PPP1R42: variants seen among roughly 807,000 people sequenced by gnomAD.
The protein encoded by PPP1R42 is leucine rich repeat containing 67.
Under a neutral mutation model 31.0 loss-of-function variants are expected in PPP1R42, and 34 were observed. The ratio of observed to expected loss-of-function variants is 1.10; its 90% CI spans 0.83 to 1.46. The LOEUF (loss-of-function observed/expected upper bound fraction) is 1.46, where lower values mean the gene tolerates loss of function less well. PPP1R42 is among the 40% of genes most tolerant of loss of function. The pLI, the probability that PPP1R42 is intolerant of heterozygous loss-of-function variation, is 0.00. For missense variants in PPP1R42, 268 were observed against 303.0 expected (o/e 0.88, Z 0.86); for synonymous variants, 103 against 109.8 (o/e 0.94, Z 0.39).
At position 66,974,040 on chromosome 8, in the gene PPP1R42, A is replaced by G. The variant is rs1367259034; in HGVS notation, c.802+8009T>C. 5.1e-4 allele frequency among the ~76,000 whole-genome samples: 78 copies of G among 152,326 alleles called. 1 individual carries two copies. The highest frequency in any genetic ancestry group is 2.9e-5 in the Non-Finnish European group (2 of 68,036). ...CTTGACTATTGTGAATAGTGCTGCA[A>G]TGAACATAGGAGTACTGATGTCTCT... is the stretch of plus-strand genomic sequence containing the variant. On this transcript the variant is annotated intron_variant, in intron 7 of 7. Coordinates refer to ENST00000685739, the MANE Select transcript of PPP1R42 (RefSeq NM_001364910.1).
At chr8:67,007,549 G>A (rs1023793513) in intron 5 of PPP1R42, among the ~76,000 whole-genome samples, 8 of 152,114 alleles carry the variant, frequency 5.3e-5, no homozygotes, top group African/African-American at 1.9e-4. Context: ...GTTTCGCCAC[G>A]TCAGCCAGGG....
intron 1 of PPP1R42, among the ~76,000 whole-genome samples, chr8:67,022,406 A>G (rs1816249693): frequency 6.6e-6 from 1 of 152,148 alleles, no homozygotes; most frequent in African/African-American, 2.4e-5. Flanking sequence ...TTAGATACTA[A>G]TATTTCATTG....
intron 5 of PPP1R42, among the ~76,000 whole-genome samples, chr8:67,008,426 G>A (rs961312494): frequency 2.0e-5 from 3 of 152,086 alleles, no homozygotes; most frequent in African/African-American, 7.2e-5. Context: ...AAGAGGATTT[G>A]GGCCATGGCA....
At chr8:67,009,784 T>A (rs1245172178) in intron 5 of PPP1R42, among the ~76,000 whole-genome samples, 2 of 152,230 alleles carry the variant, frequency 1.3e-5, no homozygotes, top group Non-Finnish European at 2.9e-5. Flanking sequence ...AATTATATAT[T>A]GCTTATAACA....
intron 1 of PPP1R42, among the ~76,000 whole-genome samples, chr8:67,025,348 G>A (rs1400341071): frequency 5.3e-5 from 8 of 152,048 alleles, no homozygotes; most frequent in African/African-American, 7.2e-5. Context: ...CTGGGCTCAA[G>A]TGATCCTCCT....
At chr8:67,009,725 G>C (rs1261600364) in intron 5 of PPP1R42, among the ~76,000 whole-genome samples, 1 of 152,090 alleles carries the variant, frequency 6.6e-6, no homozygotes, top group Non-Finnish European at 1.5e-5. Context: ...TTGCATTTTA[G>C]ATATTTTGAG....
intron 6 of PPP1R42, chr8:66,984,188 C>T (rs1230827340): frequency 5.1e-6 from 8 of 1,578,544 alleles, no homozygotes; most frequent in Middle Eastern, 1.7e-4. Flanking sequence ...TAATGTTCAG[C>T]CCCATGCTTT....
intron 6 of PPP1R42, chr8:66,984,576 T>G (rs1465842722): frequency 8.2e-7 from 1 of 1,212,936 alleles, no homozygotes. Context: ...GCTGGGGTGC[T>G]CAAATTTCTA....
At chr8:67,025,033 G>A (rs1457009359) in intron 1 of PPP1R42, among the ~76,000 whole-genome samples, 1 of 151,274 alleles carries the variant, frequency 6.6e-6, no homozygotes, top group African/African-American at 2.4e-5. Flanking sequence ...AAATTCCTGG[G>A]CTCAAGTGAT....
At chr8:66,984,620 A>G (rs754723497) in intron 6 of PPP1R42, 146 of 1,267,016 alleles carry the variant, frequency 1.2e-4, no homozygotes, top group Non-Finnish European at 1.6e-4. Context: ...CCCCTGTGAA[A>G]TGTCTTAAGC....
chr8:67,016,014 T>C (rs1230307181), intron 2 of PPP1R42, among the ~76,000 whole-genome samples: 2 of 152,150 alleles, frequency 1.3e-5, no homozygotes, highest in African/African-American at 4.8e-5. Context: ...GAGTATGAAA[T>C]AGGGGCTTTA....
intron 1 of PPP1R42, among the ~76,000 whole-genome samples, chr8:67,028,216 G>A (rs1816460441): frequency 6.6e-6 from 1 of 151,960 alleles, no homozygotes; most frequent in South Asian, 2.1e-4. Flanking sequence ...TTCAAACTCA[G>A]CTCCACGCCC....
intron 7 of PPP1R42, chr8:66,970,896 TG>T: frequency 1.0e-6 from 1 of 963,252 alleles, no homozygotes; most frequent in African/African-American, 1.6e-5. Flanking sequence ...ACAGATTGGA[TG>T]GCCTCTGTTC....
intron 6 of PPP1R42, among the ~76,000 whole-genome samples, chr8:66,983,753 A>T (rs1814917261): frequency 6.6e-6 from 1 of 152,230 alleles, no homozygotes; most frequent in African/African-American, 2.4e-5. Flanking sequence ...ATGTTGAAAC[A>T]AAGAATATAA....
At chr8:67,014,263 G>A (rs1037659478) in intron 3 of PPP1R42, among the ~76,000 whole-genome samples, 163 bp downstream of exon 3, 1 of 151,916 alleles carries the variant, frequency 6.6e-6, no homozygotes, top group African/African-American at 2.4e-5. Context: ...AACCCATGTG[G>A]GAATCATATG....
At chr8:67,013,784 A>T (rs1815917018) in intron 3 of PPP1R42, among the ~76,000 whole-genome samples, 1 of 152,158 alleles carries the variant, frequency 6.6e-6, no homozygotes, top group Non-Finnish European at 1.5e-5. Flanking sequence ...TCTAATTTGG[A>T]TATGTAGGTT....
chr8:66,983,152 A>G (rs1286777405), intron 6 of PPP1R42, among the ~76,000 whole-genome samples: 2 of 152,112 alleles, frequency 1.3e-5, no homozygotes, highest in Non-Finnish European at 2.9e-5. Context: ...TTATTCCCCA[A>G]TGAGAAATAA....
intron 5 of PPP1R42, among the ~76,000 whole-genome samples, chr8:66,999,206 C>T (rs751120747): frequency 6.6e-6 from 1 of 151,820 alleles, no homozygotes; most frequent in African/African-American, 2.4e-5. Context: ...TACAGATGGG[C>T]ACCACCATGC....
At chr8:66,981,015 G>C (rs775229351) in intron 7 of PPP1R42, among the ~76,000 whole-genome samples, 1 of 151,736 alleles carries the variant, frequency 6.6e-6, no homozygotes, top group African/African-American at 2.4e-5. Context: ...GCTAATTTTT[G>C]TATTTTTGTA....
Sources: allele counts gnomAD v4.1 joint callset (sites outside exome capture counted in the v4.1 genomes callset), GRCh38; gene constraint gnomAD v4.1.1; transcripts MANE v1.5; gene names NCBI Gene and HGNC (gene_info 2026-07-23, HGNC 2026-07-21).